RIC1: variants seen among roughly 807,000 people sequenced by gnomAD.
RIC1 encodes the protein guanine nucleotide exchange factor subunit RIC1.
RIC1 carries 88 observed loss-of-function variants against 169.0 expected under a neutral mutation model. The ratio of observed to expected loss-of-function variants is 0.52; its 90% CI spans 0.44 to 0.62. RIC1 has a LOEUF of 0.62. Among genes scored for constraint, RIC1 ranks in the 20% least tolerant of loss-of-function variants. The pLI, the probability that RIC1 is intolerant of heterozygous loss-of-function variation, is 0.00. For missense variants in RIC1, 1,877 were observed against 1,725.5 expected (o/e 1.09, Z -1.56); for synonymous variants, 790 against 601.5 (o/e 1.31, Z -4.59).
chr9:5,720,538 G>C, intron 5 of RIC1, 76 bp from the exon 6 acceptor site: 1 of 1,405,904 alleles, frequency 7.1e-7, no homozygotes. Flanking sequence ...TAAACTTACA[G>C]GTTTTTCTGG....
intron 2 of RIC1, among the ~76,000 whole-genome samples, chr9:5,659,364 A>G (rs536758956): frequency 9.8e-5 from 15 of 152,294 alleles, no homozygotes; most frequent in Admixed American, 3.3e-4. Context: ...ATTTCAGGAT[A>G]TAAGTCATGT....
rs1299603044 is a variant in RIC1 at position 5,750,485 on chromosome 9, ATGTATCAAG to A, written c.1453-2710_1453-2702del. ...AAATTATTTACTGTCTTCCTACAGT[ATGTATCAAG>A]TGTACCAGGTATTTGGCACAGAACA... On this transcript the variant is annotated intron_variant, in intron 12 of 25. Transcript: ENST00000414202. 9.9e-5 allele frequency among the ~76,000 whole-genome samples: 15 copies of A among 152,046 alleles called. No homozygotes were observed. In the East Asian group the frequency reaches 1.5e-3, roughly 16 times the overall value.
chr9:5,667,173 T>G (rs143001574), intron 2 of RIC1, among the ~76,000 whole-genome samples: 1 of 152,060 alleles, frequency 6.6e-6, no homozygotes, highest in Non-Finnish European at 1.5e-5. Context: ...AAAAATAAAC[T>G]TAGCCAGGTG....
intron 6 of RIC1, among the ~76,000 whole-genome samples, chr9:5,722,582 G>C (rs1823672038): frequency 6.6e-6 from 1 of 152,088 alleles, no homozygotes; most frequent in East Asian, 1.9e-4. Context: ...ACTTTTTTAA[G>C]TTCTAGGGTA....
intron 4 of RIC1, chr9:5,719,299 A>C (rs1823449813): frequency 6.6e-6 from 1 of 152,208 alleles, no homozygotes; most frequent in East Asian, 1.9e-4. Flanking sequence ...TTTAACTAAC[A>C]CTGCCCTTGG....
chr9:5,659,473 G>C (rs954100543), intron 2 of RIC1, among the ~76,000 whole-genome samples: 4 of 152,266 alleles, frequency 2.6e-5, no homozygotes, highest in Non-Finnish European at 4.4e-5. Flanking sequence ...ACCATCATAA[G>C]TTCAGTATCA....
intron 4 of RIC1, among the ~76,000 whole-genome samples, chr9:5,719,746 T>C (rs983106923): frequency 1.3e-5 from 2 of 152,230 alleles, no homozygotes; most frequent in Non-Finnish European, 2.9e-5. Flanking sequence ...ATAGCACAGA[T>C]ATAGAACATT....
At chr9:5,654,842 T>A (rs544748226) in intron 1 of RIC1, among the ~76,000 whole-genome samples, 1 of 152,180 alleles carries the variant, frequency 6.6e-6, no homozygotes, top group Non-Finnish European at 1.5e-5. Flanking sequence ...CATGAGCTAC[T>A]GCGCCTGGCC....
In RIC1 at chr9:5,747,291, C is replaced by G; in HGVS notation, c.1249-11C>G. 6.2e-7 allele frequency: 1 copy of G among 1,609,536 alleles called. No homozygotes were observed. Among genetic ancestry groups the G allele is most frequent in the Non-Finnish European group, 8.5e-7 (1 of 1,176,628 alleles). On this transcript the variant is annotated splice_polypyrimidine_tract_variant and intron_variant, in intron 11 of 25. Transcript: ENST00000414202. Reference sequence around the variant, plus strand: ...CTCCTTTGCCCTTTTGTTCCTCTTTCCCTCATTTAGAGTAACCAAGAGCAG... The same window carrying G: ...CTCCTTTGCCCTTTTGTTCCTCTTTGCCTCATTTAGAGTAACCAAGAGCAG...
intron 1 of RIC1, among the ~76,000 whole-genome samples, chr9:5,647,084 G>T (rs1395096266): frequency 6.6e-6 from 1 of 152,068 alleles, no homozygotes; most frequent in African/African-American, 2.4e-5. Context: ...TTTCCCCTTT[G>T]AATGGTCTAG....
intron 8 of RIC1, among the ~76,000 whole-genome samples, chr9:5,740,095 C>G (rs1459527037): frequency 6.6e-6 from 1 of 152,188 alleles, no homozygotes; most frequent in African/African-American, 2.4e-5. Flanking sequence ...TCTTTCATCA[C>G]CTTGTTCACT....
At chr9:5,660,370 G>A (rs865944412) in intron 2 of RIC1, among the ~76,000 whole-genome samples, 2 of 152,182 alleles carry the variant, frequency 1.3e-5, no homozygotes, top group Non-Finnish European at 2.9e-5. Flanking sequence ...GGTATACCCA[G>A]TAATGAGATT....
chr9:5,637,470 A>G (rs1818025838), intron 1 of RIC1, among the ~76,000 whole-genome samples: 1 of 152,202 alleles, frequency 6.6e-6, no homozygotes. Context: ...CAAACAATCC[A>G]TATGTACTCA....
At chr9:5,715,826 C>G (rs1331237790) in intron 4 of RIC1, among the ~76,000 whole-genome samples, 2 of 149,968 alleles carry the variant, frequency 1.3e-5, no homozygotes, top group Non-Finnish European at 1.5e-5. Flanking sequence ...CCTTCCCTAC[C>G]TCTCTCCCCA....
intron 1 of RIC1, among the ~76,000 whole-genome samples, chr9:5,635,913 A>G (rs181911047): frequency 2.6e-5 from 4 of 152,338 alleles, no homozygotes; most frequent in African/African-American, 7.2e-5. Context: ...AATCTATTCA[A>G]CCTTTCTTTA....
chr9:5,666,018 G>C (rs1408931325), intron 2 of RIC1, among the ~76,000 whole-genome samples: 2 of 152,166 alleles, frequency 1.3e-5, no homozygotes, highest in South Asian at 4.1e-4. Flanking sequence ...GGACCCACAG[G>C]CTGGACTGAT....
Position 5,763,439 on chromosome 9 carries a change from G to A in RIC1, c.2412G>A (p.Arg804=), listed in dbSNP as rs1826470235. 1.9e-6 allele frequency: 3 copies of A among 1,614,014 alleles called. No homozygotes were observed. The highest frequency in any genetic ancestry group is 2.7e-5 in the African/African-American group (2 of 74,900). The change falls in exon 19 of 26, where the codon CGG becomes CGA. Residue 804 remains arginine, a synonymous_variant. Coordinates refer to ENST00000414202, the MANE Select transcript of RIC1 (RefSeq NM_020829.4). This position sits in a 1 kb window ranked among gnomAD's most constrained non-coding sequence, Gnocchi z 5.2. Reference sequence around the variant, plus strand: ...TGCTCTATGATTCTTTATATACTCGGAACAATGCTAGAGAACAGCTGGAGG... The same window carrying A: ...TGCTCTATGATTCTTTATATACTCGAAACAATGCTAGAGAACAGCTGGAGG... The part of the protein sequence containing the change: ...DTLLYDSLYT[R]NNAREQLEVL...
Position 5,763,277 on chromosome 9 carries a change from C to G in RIC1, c.2250C>G (p.Leu750=). The change falls in exon 19 of 26, where the codon CTC becomes CTG. Residue 750 remains leucine (L), a synonymous_variant. Transcript: ENST00000414202. The surrounding 1 kb of genome is among the most constrained non-coding windows in gnomAD (Gnocchi z 5.2). ...GTGGTGCAGGGATGAAAGTTTGGCT[C>G]CCTCTCTTCCCTAGGGATCACCGCA... ...SCGGAGMKVW[L]PLFPRDHRKP... The G allele has an allele frequency of 6.2e-7, 1 of 1,614,124 alleles. No individual in the cohort carries two copies.
At chr9:5,631,447 A>G (rs544138259) in intron 1 of RIC1, among the ~76,000 whole-genome samples, 2 of 152,226 alleles carry the variant, frequency 1.3e-5, no homozygotes, top group African/African-American at 4.8e-5. Context: ...CTTTGTTGTC[A>G]CTGAAAAAAA....
Sources: gnomAD v4.1 joint callset for allele counts (sites outside exome capture counted in the v4.1 genomes callset) on GRCh38, gnomAD v4.1.1 for gene constraint, Gnocchi (gnomAD v3.1) non-coding constraint, MANE v1.5 for transcripts, NCBI Gene and HGNC (gene_info 2026-07-23, HGNC 2026-07-21) for gene names.